Variants in NOL10 observed in about 807,000 individuals in gnomAD.
NOL10 encodes the protein H_NH0074G24.1.
A neutral mutation model predicts 103.5 loss-of-function variants in NOL10; 58 were observed. The ratio of observed to expected loss-of-function variants is 0.56; its 90% CI spans 0.45 to 0.70. The LOEUF (loss-of-function observed/expected upper bound fraction) is 0.70, where lower values mean the gene tolerates loss of function less well. Among genes scored for constraint, NOL10 ranks in the 30% least tolerant of loss-of-function variants. The pLI is 0.00. For synonymous variants in NOL10, 287 were observed against 282.5 expected, an observed-to-expected ratio of 1.02 and a Z score of -0.16; for missense variants, 763 against 807.3, an observed-to-expected ratio of 0.95 and a Z score of 0.67.
chr2:10,645,004 C>T (rs1381423874), intron 12 of NOL10, among the ~76,000 whole-genome samples: 1 of 152,210 alleles, frequency 6.6e-6, no homozygotes, highest in African/African-American at 2.4e-5. Flanking sequence ...CCTCAGATCC[C>T]CTGCTCTGGA....
At chr2:10,660,109 C>T (rs910908236) in intron 9 of NOL10, among the ~76,000 whole-genome samples, 2 of 152,138 alleles carry the variant, frequency 1.3e-5, no homozygotes, top group Non-Finnish European at 1.5e-5. Context: ...ATGCCCTTGG[C>T]CCAGGACCTA....
At chr2:10,659,350 G>GC (rs1190410705) in intron 9 of NOL10, 100 bp from the exon 10 acceptor site, 11 of 470,064 alleles carry the variant, frequency 2.3e-5, no homozygotes, top group Non-Finnish European at 3.7e-5. Flanking sequence ...ATGGGGGGGG[G>GC]GGGGAGGAAT....
chr2:10,599,333 G>C (rs551435617), intron 17 of NOL10, among the ~76,000 whole-genome samples: 1 of 152,296 alleles, frequency 6.6e-6, no homozygotes, highest in South Asian at 2.1e-4. Context: ...CTTCCATTTA[G>C]CTTTTACTGT....
Position 10,682,082 on chromosome 2 carries a change from A to G in NOL10, c.113-13T>C, listed in dbSNP as rs1409613011. On this transcript the variant is annotated splice_polypyrimidine_tract_variant and intron_variant, in intron 2 of 20. Coordinates refer to ENST00000381685, the MANE Select transcript of NOL10 (RefSeq NM_024894.4). ...CTCCTACGGACATCTAAAAAGAGAG[A>G]AAAAAACAACTAGTTTAACTAACAT... 3 of 1,322,740 alleles carry G rather than the reference A, an allele frequency of 2.3e-6. No individual in the cohort carries two copies. The highest frequency in any genetic ancestry group is 5.1e-5 in the East Asian group (2 of 39,272). 81.9% of individuals were successfully genotyped at this position (1,322,740 alleles called of 1,614,324 possible).
At chr2:10,580,828 A>G (rs77271021) in intron 19 of NOL10, among the ~76,000 whole-genome samples, 6,009 of 152,152 alleles carry the variant, frequency 0.039, 237 homozygotes, top group African/African-American at 0.1. Context: ...GTGGGGGTGG[A>G]GGTCATATTC....
chr2:10,667,235 C>T lies in NOL10; in HGVS notation c.574G>A (p.Ala192Thr). 1 of 1,586,630 alleles carries T rather than the reference C, an allele frequency of 6.3e-7. No individual in the cohort carries two copies. Among genetic ancestry groups the T allele is most frequent in the Non-Finnish European group, 8.6e-7 (1 of 1,165,260 alleles). The change falls in exon 8 of 21, where the codon GCC (alanine) becomes ACC (threonine). Residue 192 changes from alanine (A) to threonine (T), a missense_variant. Physicochemically the swap from Ala to Thr is moderately conservative, Grantham distance 58. Transcript: ENST00000381685. ...CDINSVHGLFATGTIEGRVEC... is the reference protein window; with the variant it reads ...CDINSVHGLFTTGTIEGRVEC... ...ATGCTTACCTCTATGGTTCCTGTGG[C>T]AAACAAGCCATGCACTGAATTTATG...
chr2:10,618,363 TAGAA>T (rs1185185101), intron 13 of NOL10, among the ~76,000 whole-genome samples: 1 of 152,174 alleles, frequency 6.6e-6, no homozygotes, highest in Non-Finnish European at 1.5e-5. Flanking sequence ...CCAGAGCTCT[TAGAA>T]AGAGCCCTGA....
At chr2:10,658,097 CAA>C (rs1679965149) in intron 10 of NOL10, among the ~76,000 whole-genome samples, 1 of 152,054 alleles carries the variant, frequency 6.6e-6, no homozygotes, top group Non-Finnish European at 1.5e-5. Flanking sequence ...AATTCAACCC[CAA>C]GATTAATTTG....
At chr2:10,638,045 GC>G (rs1278718800) in intron 13 of NOL10, among the ~76,000 whole-genome samples, 1 of 152,200 alleles carries the variant, frequency 6.6e-6, no homozygotes, top group Non-Finnish European at 1.5e-5. Context: ...ACTTTGGGAG[GC>G]CAACGTGGGA....
intron 13 of NOL10, among the ~76,000 whole-genome samples, chr2:10,609,460 C>T (rs1000440138): frequency 8.4e-5 from 12 of 142,046 alleles, no homozygotes; most frequent in Non-Finnish European, 1.5e-4. Context: ...AAAAATCAGG[C>T]GCGGTGGCGG....
Position 10,668,690 on chromosome 2 carries a change from T to C in NOL10, c.498A>G (p.Gly166=). The C allele has an allele frequency of 6.5e-7, 1 of 1,546,802 alleles. No individual in the cohort carries two copies. The stretch of plus-strand genomic sequence containing the variant: ...CAGTTTGTAGAGGATTCAGGTATCG[T>C]CCTTGTTCTAAGTTTAACCTATAAA... The part of the protein sequence containing the change: ...SEVYRLNLEQ[G]RYLNPLQTDA... Residue 166 remains glycine (G), a synonymous_variant, in exon 7 of 21, where the codon GGA becomes GGG. Coordinates refer to ENST00000381685, the MANE Select transcript of NOL10 (RefSeq NM_024894.4).
At chr2:10,681,849 A>G in intron 3 of NOL10, 122 bp downstream of exon 3, 1 of 414,232 alleles carries the variant, frequency 2.4e-6, no homozygotes, top group Non-Finnish European at 4.3e-6. Context: ...AATTTTTTCA[A>G]TATTTCTGTG....
intron 12 of NOL10, among the ~76,000 whole-genome samples, chr2:10,646,884 T>A (rs552612891): frequency 6.6e-6 from 1 of 152,266 alleles, no homozygotes; most frequent in South Asian, 2.1e-4. Flanking sequence ...GAATACCACA[T>A]GGCAACGTGA....
At chr2:10,611,604 G>C (rs1448909843) in intron 13 of NOL10, among the ~76,000 whole-genome samples, 1 of 152,150 alleles carries the variant, frequency 6.6e-6, no homozygotes, top group Non-Finnish European at 1.5e-5. Context: ...AACACAGTGA[G>C]ATCCTGTCTC....
At chr2:10,645,969 C>CACACACA (rs1358635306) in intron 12 of NOL10, among the ~76,000 whole-genome samples, 1 of 116,772 alleles carries the variant, frequency 8.6e-6, no homozygotes, top group African/African-American at 3.7e-5. Context: ...ACACACACAC[C>CACACACA]CCGTAAAAAC....
chr2:10,648,262 GA>G (rs1215213002), intron 12 of NOL10, among the ~76,000 whole-genome samples: 1 of 152,090 alleles, frequency 6.6e-6, no homozygotes. Context: ...TAAGTGAAAA[GA>G]AAAAAGAAAG....
chr2:10,575,132 G>A (rs937304106), intron 20 of NOL10, among the ~76,000 whole-genome samples: 2 of 152,232 alleles, frequency 1.3e-5, no homozygotes, highest in African/African-American at 4.8e-5. Flanking sequence ...GAGGACAGGT[G>A]CAAACAGGCA....
At chr2:10,582,883 C>T (rs1017749382) in intron 19 of NOL10, among the ~76,000 whole-genome samples, 2 of 152,244 alleles carry the variant, frequency 1.3e-5, no homozygotes, top group Admixed American at 1.3e-4. Context: ...GCTTTCATCC[C>T]TTTCTTTCAC....
At chr2:10,631,922 C>G (rs1677876979) in intron 13 of NOL10, among the ~76,000 whole-genome samples, 1 of 152,176 alleles carries the variant, frequency 6.6e-6, no homozygotes, top group Non-Finnish European at 1.5e-5. Flanking sequence ...CCATGTTGGT[C>G]AGGCTGGTCT....
Sources: gnomAD v4.1 joint callset for allele counts (sites outside exome capture counted in the v4.1 genomes callset) on GRCh38, gnomAD v4.1.1 for gene constraint, MANE v1.5 for transcripts, NCBI Gene and HGNC (gene_info 2026-07-23, HGNC 2026-07-21) for gene names.